PAM: variants seen among roughly 807,000 people sequenced by gnomAD.
PAM encodes peptidyl-glycine alpha-amidating monooxygenase.
PAM carries 72 observed loss-of-function variants against 122.1 expected under a neutral mutation model. The observed-to-expected ratio is 0.59, with a 90% CI of 0.49 to 0.72. The LOEUF is 0.72. Ranked by LOEUF, PAM falls within the 30% of genes least tolerant of loss-of-function variation. PAM has a pLI of 0.00. For missense variants in PAM, 1,106 were observed against 1,183.7 expected, an observed-to-expected ratio of 0.93 and a Z score of 0.96; for synonymous variants, 389 against 404.4, an observed-to-expected ratio of 0.96 and a Z score of 0.46.
At chr5:102,878,098 C>G (rs989435791) in intron 3 of PAM, among the ~76,000 whole-genome samples, 2 of 151,948 alleles carry the variant, frequency 1.3e-5, no homozygotes, top group Non-Finnish European at 2.9e-5. Flanking sequence ...AATAATCCCT[C>G]TATAATTATT....
At chr5:102,872,600 C>T (rs916131061) in intron 3 of PAM, among the ~76,000 whole-genome samples, 2 of 152,176 alleles carry the variant, frequency 1.3e-5, no homozygotes, top group Non-Finnish European at 2.9e-5. Flanking sequence ...TTCTGCACTC[C>T]TGTAAGGAAT....
intron 3 of PAM, among the ~76,000 whole-genome samples, chr5:102,876,232 T>G (rs1213621818): frequency 1.3e-5 from 2 of 152,178 alleles, no homozygotes; most frequent in East Asian, 3.8e-4. Context: ...AATTCCAGCC[T>G]TTTCTCACAA....
intron 1 of PAM, among the ~76,000 whole-genome samples, chr5:102,788,841 T>C (rs1177446961): frequency 1.3e-5 from 2 of 152,140 alleles, no homozygotes; most frequent in Non-Finnish European, 2.9e-5. Context: ...AGTGTTGTGG[T>C]GGCATTATTA....
chr5:102,828,287 C>A (rs1774274469), intron 1 of PAM, among the ~76,000 whole-genome samples: 1 of 151,566 alleles, frequency 6.6e-6, no homozygotes, highest in African/African-American at 2.4e-5. Flanking sequence ...GCGGAGGTTG[C>A]AATGAGCCCA....
intron 7 of PAM, among the ~76,000 whole-genome samples, chr5:102,938,480 G>C (rs570063985): frequency 6.6e-6 from 1 of 152,100 alleles, no homozygotes; most frequent in Admixed American, 6.6e-5. Flanking sequence ...TGAGCAGAGC[G>C]TAAGTGATGT....
chr5:102,961,560 A>G (rs1220127779), intron 14 of PAM, among the ~76,000 whole-genome samples: 1 of 151,636 alleles, frequency 6.6e-6, no homozygotes, highest in African/African-American at 2.4e-5. Flanking sequence ...TAATAACCTT[A>G]ACCATTTAAA....
chr5:102,903,505 G>T (rs1798604162), intron 4 of PAM, among the ~76,000 whole-genome samples: 1 of 151,466 alleles, frequency 6.6e-6, no homozygotes, highest in Non-Finnish European at 1.5e-5. Flanking sequence ...GAGAAACAGA[G>T]ACAGAAACAT....
intron 23 of PAM, among the ~76,000 whole-genome samples, chr5:103,021,156 A>C (rs190308782): frequency 4.6e-5 from 7 of 152,298 alleles, no homozygotes; most frequent in African/African-American, 1.7e-4. Context: ...ACATATGAGG[A>C]AATTGAGGAT....
At chr5:103,031,096 C>T (rs1786168932), downstream of PAM, 1 of 152,086 alleles carries the variant, frequency 6.6e-6, no homozygotes, top group Non-Finnish European at 1.5e-5. Context: ...ATTAAAAAAG[C>T]AAAGGGAAAC....
At chr5:102,908,630 G>A (rs922740001) in intron 4 of PAM, among the ~76,000 whole-genome samples, 1 of 151,470 alleles carries the variant, frequency 6.6e-6, no homozygotes, top group Non-Finnish European at 1.5e-5. Context: ...TGACGAGTTA[G>A]TGGGTGCAGC....
chr5:102,941,170 C>CAG (rs1211268627), intron 7 of PAM, among the ~76,000 whole-genome samples: 1 of 152,216 alleles, frequency 6.6e-6, no homozygotes, highest in African/African-American at 2.4e-5. Context: ...TCCACACACA[C>CAG]AGCAATTATA....
chr5:102,778,075 G>T (rs912668570), intron 1 of PAM, among the ~76,000 whole-genome samples: 1 of 152,048 alleles, frequency 6.6e-6, no homozygotes, highest in African/African-American at 2.4e-5. Flanking sequence ...GCACCTCTTG[G>T]ACCCCTGTTA....
At chr5:102,838,857 G>A (rs917504498) in intron 1 of PAM, among the ~76,000 whole-genome samples, 1 of 152,104 alleles carries the variant, frequency 6.6e-6, no homozygotes, top group African/African-American at 2.4e-5. Flanking sequence ...TCTTTAATAT[G>A]GAGAGTTGAC....
chr5:102,842,205 A>AATATATATATATATATATATATATAT (rs71226933), intron 1 of PAM, among the ~76,000 whole-genome samples: 99 of 142,956 alleles, frequency 6.9e-4, no homozygotes, highest in African/African-American at 2.5e-3. Context: ...ATACAACCTA[A>AATATATATATATATATATATATATAT]ATATATATAT....
chr5:102,982,701 A>C (rs1181845862), intron 15 of PAM, among the ~76,000 whole-genome samples: 2 of 152,228 alleles, frequency 1.3e-5, no homozygotes, highest in African/African-American at 4.8e-5. Flanking sequence ...AACCAACACT[A>C]TAGTTCATCT....
intron 1 of PAM, among the ~76,000 whole-genome samples, chr5:102,848,771 A>G (rs1233432772): frequency 6.6e-6 from 1 of 152,250 alleles, no homozygotes; most frequent in Non-Finnish European, 1.5e-5. Context: ...GACAGTGGAA[A>G]AGAAATGCCA....
At chr5:102,758,048 A>C (rs1751017830) in intron 1 of PAM, among the ~76,000 whole-genome samples, 1 of 139,688 alleles carries the variant, frequency 7.2e-6, no homozygotes, top group African/African-American at 2.7e-5. Flanking sequence ...TCTCAAAAAA[A>C]AAAAAAAAAA....
At position 103,004,320 on chromosome 5, in the gene PAM, G is replaced by A. The variant is rs138676933; in HGVS notation, c.1731-834G>A. Reference sequence around the variant, plus strand: ...CTACTGCTAAATCAACTTGGCCATCGGTGGAGTATCTGTTTGAAAGCAAAT... The same window carrying A: ...CTACTGCTAAATCAACTTGGCCATCAGTGGAGTATCTGTTTGAAAGCAAAT... On this transcript the variant is annotated intron_variant, in intron 17 of 25. Transcript: ENST00000438793. Among the ~76,000 whole-genome samples, 463 of 152,268 alleles carry A rather than the reference G, an allele frequency of 3.0e-3. 4 individuals are homozygous for A. The highest frequency in any genetic ancestry group is 0.011 in the African/African-American group (448 of 41,552).
In PAM at chr5:102,948,451, T is replaced by G. The variant is rs1309859239; in HGVS notation, c.643+6T>G. ...TATCCCAGCAGGAGAAAAAGGTGAG[T>G]AATGATTTTTTAATATTTACCATTA... On this transcript the variant is annotated splice_donor_region_variant and intron_variant, in intron 9 of 25. Transcript: ENST00000438793. 1.4e-6 allele frequency: 2 copies of G among 1,462,184 alleles called. No individual in the cohort carries two copies. Among genetic ancestry groups the G allele is most frequent in the Admixed American group, 1.7e-5 (1 of 59,558 alleles). The allele number at this position is 1,462,184 out of a possible 1,614,324, so 90.6% of individuals were successfully genotyped here.
Sources: gnomAD v4.1 joint callset for allele counts (sites outside exome capture counted in the v4.1 genomes callset) on GRCh38, gnomAD v4.1.1 for gene constraint, MANE v1.5 for transcripts, NCBI Gene and HGNC (gene_info 2026-07-23, HGNC 2026-07-21) for gene names.